Variants in ABL1 observed in about 807,000 individuals in gnomAD.
ABL1 encodes the protein ABL proto-oncogene 1, non-receptor tyrosine kinase, also known as tyrosine-protein kinase ABL1.
In ABL1, 11 loss-of-function variants were observed where a neutral mutation model predicts 94.7. The observed-to-expected ratio is 0.12, with a 90% confidence interval of 0.07 to 0.19. The LOEUF (loss-of-function observed/expected upper bound fraction) is 0.19, where lower values mean the gene tolerates loss of function less well. Among genes scored for constraint, ABL1 ranks in the 10% least tolerant of loss-of-function variants. The probability of loss-of-function intolerance (pLI) is 1.00; values close to 1 mark genes in which losing one functional copy is unlikely to be tolerated. For missense variants in ABL1, 1,082 were observed against 1,489.4 expected, an observed-to-expected ratio of 0.73 and a Z score of 4.50; for synonymous variants, 656 against 622.4, an observed-to-expected ratio of 1.05 and a Z score of -0.80.
At chr9:130,782,106 T>A (rs2132786410) in intron 1 of ABL1, among the ~76,000 whole-genome samples, 1 of 152,184 alleles carries the variant, frequency 6.6e-6, no homozygotes, top group Non-Finnish European at 1.5e-5. Context: ...TTGCCCAGGC[T>A]GGAGTGCAGT....
At chr9:130,790,815 C>T (rs1366268822) in intron 1 of ABL1, among the ~76,000 whole-genome samples, 1 of 152,012 alleles carries the variant, frequency 6.6e-6, no homozygotes, top group East Asian at 1.9e-4. Flanking sequence ...AAGGCCCATG[C>T]AAGTCCTGAA....
Position 130,862,172 on chromosome 9 carries a change from C to T in ABL1, c.550-591C>T, listed in dbSNP as rs1048604287. Among the ~76,000 whole-genome samples the T allele has an allele frequency of 3.3e-5, 5 of 152,192 alleles. No homozygotes were observed. The highest frequency in any genetic ancestry group is 2.0e-4 in the Admixed American group (3 of 15,278). ...TTCGCTTTTCCTACCAGCAACTACC[C>T]ACCAAGTTCTACCATGTGTTAATTT... is the stretch of plus-strand genomic sequence containing the variant. On this transcript the variant is annotated intron_variant, in intron 3 of 10. Transcript: ENST00000318560. The surrounding 1 kb of genome is among the most constrained non-coding windows in gnomAD (Gnocchi z 5.5).
chr9:130,779,274 T>C (rs1829723363), intron 1 of ABL1, among the ~76,000 whole-genome samples: 1 of 151,964 alleles, frequency 6.6e-6, no homozygotes. Flanking sequence ...ATGAGTCAAA[T>C]GGTAGTTAGG....
chr9:130,782,849 T>C (rs750914887), intron 1 of ABL1, among the ~76,000 whole-genome samples: 2 of 152,226 alleles, frequency 1.3e-5, no homozygotes, highest in Non-Finnish European at 2.9e-5. Context: ...ATTGTTGTTT[T>C]TATTTTCTTA....
intron 1 of ABL1, among the ~76,000 whole-genome samples, chr9:130,798,328 T>A (rs1830007288): frequency 6.6e-6 from 1 of 152,166 alleles, no homozygotes; most frequent in African/African-American, 2.4e-5. Flanking sequence ...TGGACATCAT[T>A]AACAAAAGGC....
At chr9:130,876,911 T>C (rs1279440619) in intron 7 of ABL1, among the ~76,000 whole-genome samples, 1 of 146,550 alleles carries the variant, frequency 6.8e-6, no homozygotes, top group African/African-American at 2.6e-5. Context: ...CAATTTTTTT[T>C]CTATTTTTGT....
chr9:130,772,458 C>T (rs761013816), intron 1 of ABL1, among the ~76,000 whole-genome samples: 3 of 152,168 alleles, frequency 2.0e-5, no homozygotes, highest in Admixed American at 1.3e-4. Flanking sequence ...AAATGCTAGA[C>T]CTTACTGGGT....
At chr9:130,822,929 C>G (rs1454067121) in intron 1 of ABL1, among the ~76,000 whole-genome samples, 1 of 152,054 alleles carries the variant, frequency 6.6e-6, no homozygotes, top group East Asian at 1.9e-4. Context: ...TCCCAAGTAG[C>G]TGGGACTACA....
intron 4 of ABL1, among the ~76,000 whole-genome samples, chr9:130,869,891 C>A (rs1588275667): frequency 6.6e-6 from 1 of 152,212 alleles, no homozygotes; most frequent in East Asian, 1.9e-4. Flanking sequence ...GTGGTGCGAT[C>A]TTGGCTCACT....
At chr9:130,839,413 A>G (rs1424344541) in intron 1 of ABL1, among the ~76,000 whole-genome samples, 1 of 152,230 alleles carries the variant, frequency 6.6e-6, no homozygotes, top group Non-Finnish European at 1.5e-5. Context: ...TTCAGTAACA[A>G]AGAAAGTGAG....
intron 6 of ABL1, among the ~76,000 whole-genome samples, chr9:130,873,468 G>A (rs1312870967): frequency 6.6e-6 from 1 of 152,220 alleles, no homozygotes; most frequent in African/African-American, 2.4e-5. Flanking sequence ...GCAAACTCAT[G>A]GGAACAACCA....
chr9:130,758,247 A>G (rs7873217), intron 1 of ABL1, among the ~76,000 whole-genome samples: 2,125 of 148,412 alleles, frequency 0.014, 54 homozygotes, highest in African/African-American at 0.05. Flanking sequence ...TGCAACCTCC[A>G]CCTCCTGGGT....
intron 1 of ABL1, among the ~76,000 whole-genome samples, chr9:130,787,482 A>G (rs1829844748): frequency 6.6e-6 from 1 of 152,064 alleles, no homozygotes; most frequent in Non-Finnish European, 1.5e-5. Flanking sequence ...ATTTGCTGGT[A>G]CCTCACCCCC....
chr9:130,832,852 TTCAAAAGCG>T (rs1040264924), upstream of ABL1, among the ~76,000 whole-genome samples: 33 of 152,336 alleles, frequency 2.2e-4, no homozygotes, highest in African/African-American at 7.7e-4. Flanking sequence ...CTTCGTATCT[TTCAAAAGCG>T]TCAAAAGCTG....
intron 1 of ABL1, among the ~76,000 whole-genome samples, chr9:130,822,568 G>T (rs949321791): frequency 6.6e-6 from 1 of 151,334 alleles, no homozygotes; most frequent in South Asian, 2.1e-4. Flanking sequence ...TGTACCAGGG[G>T]TTGTCTGTCT....
rs779870011 is a variant in ABL1, at chr9:130,714,531, CAG to C, written c.136+77_136+78del. On this transcript the variant is annotated intron_variant, in intron 1 of 10. Coordinates refer to the ABL1 transcript ENST00000372348. The stretch of plus-strand genomic sequence containing the variant: ...TAGGCCTTCAAGGAACTTTGAACAA[CAG>C]TACTTGCGACAGTTCCTTCCAATTC... The C allele has an allele frequency of 2.3e-5, 36 of 1,574,870 alleles. No individual in the cohort carries two copies. In the Admixed American group the frequency reaches 5.8e-4, roughly 26 times the overall value.
At chr9:130,719,071 C>A (rs926720740) in intron 1 of ABL1, among the ~76,000 whole-genome samples, 4 of 151,738 alleles carry the variant, frequency 2.6e-5, no homozygotes, top group African/African-American at 9.7e-5. Flanking sequence ...TGTGTATGTC[C>A]AGGAAAAAAA....
chr9:130,785,033 C>T (rs1478228515), intron 1 of ABL1, among the ~76,000 whole-genome samples: 1 of 152,234 alleles, frequency 6.6e-6, no homozygotes, highest in Non-Finnish European at 1.5e-5. Flanking sequence ...TGCTAGTTAT[C>T]AATTTCTTGC....
Position 130,753,422 on chromosome 9 carries a change from C to CT in ABL1, c.136+38988dup, listed in dbSNP as rs71389347. 4.9e-3 allele frequency among the ~76,000 whole-genome samples: 440 copies of CT among 90,306 alleles called. 6 individuals are homozygous for CT. The highest frequency in any genetic ancestry group is 5.8e-3 in the Non-Finnish European group (295 of 50,554). 59.2% of individuals were successfully genotyped at this position (90,306 alleles called of 152,430 possible). ...CTCATCTCTTCTTTTTTTTTCTTTT[C>CT]TTTTTTTTTTTTTTTTTTTTTGAGA... is the stretch of plus-strand genomic sequence containing the variant. On this transcript the variant is annotated intron_variant, in intron 1 of 10. Coordinates refer to the ABL1 transcript ENST00000372348.
Sources: gnomAD v4.1 joint callset for allele counts (sites outside exome capture counted in the v4.1 genomes callset) on GRCh38, gnomAD v4.1.1 for gene constraint, Gnocchi (gnomAD v3.1) non-coding constraint, MANE v1.5 for transcripts, NCBI Gene and HGNC (gene_info 2026-07-23, HGNC 2026-07-21) for gene names.